Variants in KIAA1958 observed in about 807,000 individuals in gnomAD.
KIAA1958 encodes KIAA1958, also known as uncharacterized protein KIAA1958.
KIAA1958 carries 14 observed loss-of-function variants against 47.2 expected under a neutral mutation model. That is an observed-to-expected ratio of 0.30 (90% CI 0.20 to 0.46). The LOEUF is 0.46. Ranked by LOEUF, KIAA1958 falls within the 20% of genes least tolerant of loss-of-function variation. The pLI, the probability that KIAA1958 is intolerant of heterozygous loss-of-function variation, is 1.00. For synonymous variants in KIAA1958, 354 were observed against 353.3 expected, an observed-to-expected ratio of 1.00 and a Z score of -0.02; for missense variants, 803 against 909.2, an observed-to-expected ratio of 0.88 and a Z score of 1.50.
At chr9:112,616,588 A>G (rs991834824) in intron 2 of KIAA1958, among the ~76,000 whole-genome samples, 11 of 152,230 alleles carry the variant, frequency 7.2e-5, no homozygotes, top group Non-Finnish European at 1.5e-4. Context: ...TACATATTTT[A>G]TGTTGTTTGA....
intron 2 of KIAA1958, chr9:112,581,767 C>A: frequency 4.6e-6 from 1 of 218,630 alleles, no homozygotes; most frequent in South Asian, 8.3e-5. Flanking sequence ...TAACCTCTGT[C>A]ACAATCCTGT....
At chr9:112,659,034 A>AAG (rs1256009998) in intron 3 of KIAA1958, among the ~76,000 whole-genome samples, 7 of 150,582 alleles carry the variant, frequency 4.6e-5, no homozygotes, top group African/African-American at 1.7e-4. Context: ...AAAAAAAAAA[A>AAG]AAAAAAAAAA....
At chr9:112,658,088 T>C (rs751660045) in intron 3 of KIAA1958, among the ~76,000 whole-genome samples, 5 of 152,102 alleles carry the variant, frequency 3.3e-5, no homozygotes, top group Non-Finnish European at 7.4e-5. Context: ...AACTCCTGAC[T>C]TCAGGTGATC....
intron 1 of KIAA1958, among the ~76,000 whole-genome samples, chr9:112,515,894 T>TAAAAAAAAAAAAAAAAAAAAAA (rs58492221): frequency 5.1e-5 from 5 of 97,116 alleles, no homozygotes; most frequent in Non-Finnish European, 9.8e-5. Context: ...AAAAATAAAT[T>TAAAAAAAAAAAAAAAAAAAAAA]AAAAAAAAAA....
At chr9:112,647,903 T>A (rs528875005) in intron 3 of KIAA1958, among the ~76,000 whole-genome samples, 14 of 152,328 alleles carry the variant, frequency 9.2e-5, no homozygotes, top group Admixed American at 5.2e-4. Flanking sequence ...TTAGAAAGGC[T>A]GAGGATACAA....
At chr9:112,589,681 G>A (rs62568628) in intron 2 of KIAA1958, among the ~76,000 whole-genome samples, 16,838 of 152,216 alleles carry the variant, frequency 0.11, 1,357 homozygotes, top group East Asian at 0.19. Flanking sequence ...GATGGGATAT[G>A]TTGTGAAAAG....
rs1311688341 is a variant in KIAA1958, at chr9:112,606,781, T to C, written c.1171+31530T>C. 2.6e-5 allele frequency among the ~76,000 whole-genome samples: 4 copies of C among 152,270 alleles called. No homozygotes were observed. The East Asian group carries it at 5.8e-4, about 22-fold the overall frequency. ...ACCCTTCTTTATAGATCAGAAAGCA[T>C]TGTGATTAGAAAGCTTTCAACAGAC... On this transcript the variant is annotated intron_variant, in intron 2 of 3. Coordinates refer to ENST00000337530, the MANE Select transcript of KIAA1958 (RefSeq NM_133465.4).
intron 2 of KIAA1958, among the ~76,000 whole-genome samples, chr9:112,617,711 T>C (rs1239423956): frequency 1.3e-5 from 2 of 152,198 alleles, no homozygotes; most frequent in African/African-American, 4.8e-5. Context: ...TTGGCTATTA[T>C]AATGTGACAG....
chr9:112,640,450 G>A (rs1179083228), intron 2 of KIAA1958, among the ~76,000 whole-genome samples: 1 of 152,096 alleles, frequency 6.6e-6, no homozygotes, highest in Admixed American at 6.5e-5. Context: ...ATTTCTGGAA[G>A]GAAAATTATA....
At chr9:112,508,290 A>G (rs536788056) in intron 1 of KIAA1958, among the ~76,000 whole-genome samples, 13 of 152,356 alleles carry the variant, frequency 8.5e-5, no homozygotes, top group Admixed American at 2.6e-4. Flanking sequence ...CACTACTAGT[A>G]TGCATCTAGT....
chr9:112,643,592 T>C (rs1836929041), intron 2 of KIAA1958, among the ~76,000 whole-genome samples: 1 of 152,232 alleles, frequency 6.6e-6, no homozygotes, highest in Admixed American at 6.5e-5. Flanking sequence ...TTGCTTCAGA[T>C]AGTTTCCAGC....
In KIAA1958 at chr9:112,575,407, C is replaced by T. The variant is rs183155216; in HGVS notation, c.1171+156C>T. Among the ~76,000 whole-genome samples, 617 of 151,930 alleles carry T rather than the reference C, an allele frequency of 4.1e-3. 4 individuals are homozygous for T. The highest frequency in any genetic ancestry group is 6.8e-3 in the Admixed American group (104 of 15,246). ...ATGACTGTGTTACATCCAGGTGATA[C>T]TATACAGGAAATTCATAAGAATTAT... On this transcript the variant is annotated intron_variant, in intron 2 of 3. Transcript: ENST00000337530.
chr9:112,591,219 G>A (rs1024948734), intron 2 of KIAA1958, among the ~76,000 whole-genome samples: 6 of 152,104 alleles, frequency 3.9e-5, no homozygotes, highest in African/African-American at 1.4e-4. Context: ...GAGTAGCTGG[G>A]ACTACAGGTG....
intron 2 of KIAA1958, among the ~76,000 whole-genome samples, chr9:112,637,999 A>T (rs1397749379): frequency 6.6e-6 from 1 of 152,128 alleles, no homozygotes; most frequent in Non-Finnish European, 1.5e-5. Context: ...AAATACAAAA[A>T]TTAGCCAGGT....
intron 1 of KIAA1958, among the ~76,000 whole-genome samples, chr9:112,561,098 A>G (rs1366925854): frequency 6.9e-6 from 1 of 145,266 alleles, no homozygotes; most frequent in African/African-American, 2.5e-5. Context: ...TCTGTTGCCC[A>G]GGCTGGAGTG....
At chr9:112,612,992 G>A (rs1047395151) in intron 2 of KIAA1958, among the ~76,000 whole-genome samples, 3 of 152,180 alleles carry the variant, frequency 2.0e-5, no homozygotes, top group African/African-American at 7.2e-5. Flanking sequence ...ATACATAGTG[G>A]TAAGAAGCAG....
At chr9:112,580,924 C>CT (rs59713125) in intron 2 of KIAA1958, among the ~76,000 whole-genome samples, 1 of 152,250 alleles carries the variant, frequency 6.6e-6, no homozygotes, top group African/African-American at 2.4e-5. Flanking sequence ...AAAAATTCAG[C>CT]TTTTTATTTT....
intron 1 of KIAA1958, among the ~76,000 whole-genome samples, chr9:112,533,605 A>G (rs1403601736): frequency 1.4e-5 from 2 of 144,764 alleles, no homozygotes; most frequent in African/African-American, 5.1e-5. Flanking sequence ...AAAAAAAAAA[A>G]GAAAAGAGGT....
At chr9:112,638,546 G>A (rs1465472836) in intron 2 of KIAA1958, among the ~76,000 whole-genome samples, 1 of 152,030 alleles carries the variant, frequency 6.6e-6, no homozygotes, top group Non-Finnish European at 1.5e-5. Context: ...CTTTGACTTA[G>A]ATTGTCAGCA....
Sources: gnomAD v4.1 joint callset for allele counts (sites outside exome capture counted in the v4.1 genomes callset) on GRCh38, gnomAD v4.1.1 for gene constraint, MANE v1.5 for transcripts, NCBI Gene and HGNC (gene_info 2026-07-23, HGNC 2026-07-21) for gene names.